The following DHRSX variants were observed in gnomAD, a reference collection of about 807,000 sequenced individuals.
DHRSX encodes the protein dehydrogenase/reductase X-linked.
DHRSX carries 31 observed loss-of-function variants against 34.0 expected under a neutral mutation model. That is an observed-to-expected ratio of 0.91 (90% CI 0.69 to 1.23). The LOEUF (loss-of-function observed/expected upper bound fraction) is 1.23. Among genes scored for constraint, DHRSX ranks in the 50% most tolerant of loss-of-function variants. The probability of loss-of-function intolerance (pLI) is 0.00; values close to 1 mark genes in which losing one functional copy is unlikely to be tolerated. For synonymous variants in DHRSX, 201 were observed against 183.8 expected (o/e 1.09, Z -0.76); for missense variants, 414 against 428.1 (o/e 0.97, Z 0.29).
intron 1 of DHRSX, among the ~76,000 whole-genome samples, chrX:2,476,308 G>C (rs2044677230): frequency 6.6e-6 from 1 of 151,176 alleles, no homozygotes; most frequent in Non-Finnish European, 1.5e-5. Flanking sequence ...TAACGCAGGA[G>C]AACTGCTTAA....
chrX:2,334,168 T>G (rs1379047338), intron 3 of DHRSX: 2 of 106,818 alleles, frequency 1.9e-5, no homozygotes, highest in African/African-American at 4.0e-5. Flanking sequence ...CTCAAAAGTA[T>G]GCTTTTTTTT....
At chrX:2,425,345 A>G in intron 1 of DHRSX, 41 bp from the exon 2 acceptor site, 1 of 1,530,978 alleles carries the variant, frequency 6.5e-7, no homozygotes, top group Non-Finnish European at 9.0e-7. Context: ...TAAGATTTGA[A>G]AGCAGAGCAC....
intron 3 of DHRSX, among the ~76,000 whole-genome samples, chrX:2,364,218 T>G (rs7057581): frequency 0.016 from 2,367 of 152,258 alleles, 64 homozygotes; most frequent in African/African-American, 0.054. Context: ...GGTTTTCCAT[T>G]GGAGGCCTTT....
chrX:2,291,681 C>G, intron 3 of DHRSX, 78 bp from the exon 4 acceptor site: 1 of 1,070,612 alleles, frequency 9.3e-7, no homozygotes, highest in Non-Finnish European at 1.4e-6. Context: ...CTAAACAGGT[C>G]AAACTCAATT....
At chrX:2,270,260 G>GCT (rs1209217119) in intron 4 of DHRSX, among the ~76,000 whole-genome samples, 1 of 151,976 alleles carries the variant, frequency 6.6e-6, no homozygotes, top group Non-Finnish European at 1.5e-5. Context: ...ACCAAAGCTG[G>GCT]CTCCTCGCCG....
intron 3 of DHRSX, among the ~76,000 whole-genome samples, chrX:2,308,338 TAC>T: frequency 6.6e-6 from 1 of 152,222 alleles, no homozygotes; most frequent in East Asian, 1.9e-4. Context: ...ATGGTAAAGA[TAC>T]AGAGTATTAA....
At chrX:2,500,654 G>GCCCCCCCCCCCCCCCCCC (rs546772121) in intron 1 of DHRSX, 163 bp downstream of exon 1, 3 of 126,684 alleles carry the variant, frequency 2.4e-5, no homozygotes, top group South Asian at 2.5e-4. Context: ...CGCGCACGCC[G>GCCCCCCCCCCCCCCCCCC]CCCCCCCCCC....
At chrX:2,290,129 C>T (rs2041848639) in intron 4 of DHRSX, among the ~76,000 whole-genome samples, 1 of 152,204 alleles carries the variant, frequency 6.6e-6, no homozygotes, top group Non-Finnish European at 1.5e-5. Context: ...ATTGGCATCA[C>T]ACTCTATGTA....
intron 1 of DHRSX, chrX:2,490,178 C>T: frequency 1.9e-6 from 3 of 1,613,970 alleles, no homozygotes; most frequent in South Asian, 1.1e-5. Context: ...GATCACCTCC[C>T]GGACGGCCCC....
At chrX:2,333,403 C>T (rs2042507720) in intron 3 of DHRSX, among the ~76,000 whole-genome samples, 2 of 152,190 alleles carry the variant, frequency 1.3e-5, no homozygotes, top group East Asian at 1.9e-4. Flanking sequence ...TTGTCACCCA[C>T]ATAATCAGCA....
intron 3 of DHRSX, among the ~76,000 whole-genome samples, chrX:2,400,475 A>C (rs772058436): frequency 1.1e-4 from 17 of 152,150 alleles, no homozygotes; most frequent in African/African-American, 4.1e-4. Flanking sequence ...AGACTCTTGC[A>C]TGTCATCATG....
chrX:2,355,672 G>A (rs371328938), intron 3 of DHRSX, among the ~76,000 whole-genome samples: 164 of 152,038 alleles, frequency 1.1e-3, no homozygotes, highest in African/African-American at 3.7e-3. Context: ...GGGTTAATGC[G>A]GTAACATAAT....
intron 3 of DHRSX, among the ~76,000 whole-genome samples, chrX:2,406,301 C>T (rs1371625753): frequency 2.6e-5 from 4 of 151,646 alleles, no homozygotes; most frequent in Admixed American, 2.6e-4. Flanking sequence ...CAAAAAGAAA[C>T]AAAAAAATAA....
At chrX:2,433,339 T>C (rs2043951333) in intron 1 of DHRSX, among the ~76,000 whole-genome samples, 1 of 152,108 alleles carries the variant, frequency 6.6e-6, no homozygotes, top group Non-Finnish European at 1.5e-5. Context: ...TCAACACATA[T>C]GTTCTCCTTT....
chrX:2,355,679 T>A (rs985285896), intron 3 of DHRSX, among the ~76,000 whole-genome samples: 32 of 151,834 alleles, frequency 2.1e-4, no homozygotes, highest in African/African-American at 7.7e-4. Context: ...TGCGGTAACA[T>A]AATAAGAAGG....
At chrX:2,339,384 T>C (rs908192320) in intron 3 of DHRSX, among the ~76,000 whole-genome samples, 2 of 151,974 alleles carry the variant, frequency 1.3e-5, no homozygotes, top group African/African-American at 4.8e-5. Context: ...GGTAATCCGC[T>C]CGCCTCAGCC....
intron 2 of DHRSX, among the ~76,000 whole-genome samples, chrX:2,419,575 CCAA>C (rs2043746038): frequency 6.6e-6 from 1 of 151,990 alleles, no homozygotes; most frequent in Non-Finnish European, 1.5e-5. Flanking sequence ...ACCTAAATGT[CCAA>C]CAACGATAGA....
chrX:2,480,265 G>A (rs1317120971), intron 1 of DHRSX, among the ~76,000 whole-genome samples: 7 of 151,258 alleles, frequency 4.6e-5, no homozygotes, highest in Non-Finnish European at 1.0e-4. Flanking sequence ...ACCAGGCACA[G>A]AGAGACAAAT....
Position 2,408,784 on chromosome X carries a change from C to T in DHRSX, c.247G>A (p.Val83Ile). The T allele has an allele frequency of 2.5e-6, 4 of 1,611,946 alleles. No individual in the cohort carries two copies. The highest frequency in any genetic ancestry group is 3.4e-6 in the Non-Finnish European group (4 of 1,179,464). ...AGNNDSKAKQ[V>I]VSKIKEETLN... ...GTTTCTTCTTTTATTTTGCTTACAA[C>T]TTGTTTGGCTTTGCTGTCATTATTT... The change falls in exon 3 of 7, where the codon GTT (valine) becomes ATT (isoleucine). Residue 83 changes from valine to isoleucine, a missense_variant. Val to Ile is a conservative substitution (Grantham distance 29). Coordinates refer to ENST00000334651, the MANE Select transcript of DHRSX (RefSeq NM_145177.3).
Sources: allele counts gnomAD v4.1 joint callset (sites outside exome capture counted in the v4.1 genomes callset), GRCh38; gene constraint gnomAD v4.1.1; transcripts MANE v1.5; gene names NCBI Gene and HGNC (gene_info 2026-07-23, HGNC 2026-07-21).